The following ARHGAP26 variants were observed in gnomAD, a reference collection of about 807,000 sequenced individuals.
ARHGAP26 encodes rho GTPase-activating protein 26.
In ARHGAP26, 38 loss-of-function variants were observed where a neutral mutation model predicts 104.8. The observed-to-expected ratio is 0.36, with a 90% CI of 0.28 to 0.48. The LOEUF is 0.48. ARHGAP26 is among the 20% of genes least tolerant of loss of function. ARHGAP26 has a pLI of 0.99. For synonymous variants in ARHGAP26, 341 were observed against 340.0 expected (o/e 1.00, Z -0.03); for missense variants, 704 against 947.9 (o/e 0.74, Z 3.38).
intron 5 of ARHGAP26, among the ~76,000 whole-genome samples, chr5:142,887,014 A>G (rs1179166818): frequency 1.3e-5 from 2 of 152,236 alleles, no homozygotes; most frequent in East Asian, 1.9e-4. Flanking sequence ...ACTATGCATC[A>G]TTAGTACAGA....
chr5:143,192,285 G>A (rs1000703115), intron 20 of ARHGAP26, among the ~76,000 whole-genome samples: 4 of 152,196 alleles, frequency 2.6e-5, no homozygotes, highest in Non-Finnish European at 5.9e-5. Context: ...TTTGAGTGGC[G>A]GATGAGCAGT....
chr5:143,109,493 C>T (rs559727424), intron 17 of ARHGAP26, among the ~76,000 whole-genome samples: 3 of 151,994 alleles, frequency 2.0e-5, no homozygotes, highest in Non-Finnish European at 4.4e-5. Flanking sequence ...GTCTTGCTCT[C>T]ACCCAGGCTG....
intron 5 of ARHGAP26, among the ~76,000 whole-genome samples, chr5:142,892,815 G>C (rs1273322042): frequency 1.3e-5 from 2 of 151,920 alleles, no homozygotes; most frequent in Non-Finnish European, 2.9e-5. Flanking sequence ...TCATTTCTTT[G>C]TGTTGGGAAC....
intron 20 of ARHGAP26, among the ~76,000 whole-genome samples, chr5:143,154,159 T>TAAAAAA (rs1800182568): frequency 1.5e-4 from 8 of 54,752 alleles, no homozygotes; most frequent in African/African-American, 5.2e-4. Context: ...TTTAAAAATA[T>TAAAAAA]TAAAAAAAAA....
At chr5:142,994,927 A>G (rs535885408) in intron 11 of ARHGAP26, among the ~76,000 whole-genome samples, 1 of 152,342 alleles carries the variant, frequency 6.6e-6, no homozygotes, top group Non-Finnish European at 1.5e-5. Flanking sequence ...ACAATGGGGG[A>G]AGGATTCCCT....
chr5:143,111,694 C>A (rs971049286), intron 17 of ARHGAP26, among the ~76,000 whole-genome samples: 1 of 152,166 alleles, frequency 6.6e-6, no homozygotes, highest in Non-Finnish European at 1.5e-5. Flanking sequence ...CTGAAAGGAT[C>A]CTGGTATAGT....
At chr5:142,911,322 G>A (rs1761808437) in intron 9 of ARHGAP26, among the ~76,000 whole-genome samples, 1 of 151,898 alleles carries the variant, frequency 6.6e-6, no homozygotes, top group Admixed American at 6.6e-5. Flanking sequence ...CCTCACTCTG[G>A]GCTTCTAGCC....
chr5:142,935,603 C>CT (rs1165780024), intron 11 of ARHGAP26, among the ~76,000 whole-genome samples: 1 of 152,166 alleles, frequency 6.6e-6, no homozygotes, highest in East Asian at 1.9e-4. Context: ...CAAGAAAGTT[C>CT]TTTAATTGGA....
intron 20 of ARHGAP26, among the ~76,000 whole-genome samples, chr5:143,150,244 C>T (rs1010160851): frequency 6.6e-6 from 1 of 152,182 alleles, no homozygotes; most frequent in African/African-American, 2.4e-5. Context: ...TGTGGCTGAA[C>T]CTATTTTATG....
At chr5:143,164,533 A>G (rs553504605) in intron 20 of ARHGAP26, among the ~76,000 whole-genome samples, 2 of 152,032 alleles carry the variant, frequency 1.3e-5, no homozygotes, top group Non-Finnish European at 2.9e-5. Context: ...TTTTTGCTGT[A>G]TTTTTCTTTG....
At chr5:142,916,127 G>T (rs1252114188) in intron 10 of ARHGAP26, among the ~76,000 whole-genome samples, 3 of 152,176 alleles carry the variant, frequency 2.0e-5, no homozygotes, top group Non-Finnish European at 4.4e-5. Context: ...TACTCCTGGA[G>T]TATGTTAACT....
intron 11 of ARHGAP26, among the ~76,000 whole-genome samples, chr5:142,969,732 C>T (rs923807311): frequency 2.6e-5 from 4 of 152,140 alleles, no homozygotes; most frequent in African/African-American, 9.7e-5. Context: ...AGCTGTGGGT[C>T]CTCTGCTTAG....
intron 20 of ARHGAP26, chr5:143,170,015 T>C (rs1304447311): frequency 6.6e-6 from 1 of 152,232 alleles, no homozygotes; most frequent in African/African-American, 2.4e-5. Flanking sequence ...AAATGTTATC[T>C]TCCTACTTAG....
rs184865618 is a variant in ARHGAP26 at position 142,813,700 on chromosome 5, T to A, written c.154+42785T>A. ...CCTGTGTCCTAATCTTCTTTTCTTA[T>A]AAGGTCACCATATTGTATTAGGGCC... On this transcript the variant is annotated intron_variant, in intron 1 of 22. Transcript: ENST00000645722. Among the ~76,000 whole-genome samples the A allele has an allele frequency of 1.8e-3, 280 of 152,358 alleles. 1 individual carries two copies. Among genetic ancestry groups the A allele is most frequent in the Non-Finnish European group, 2.9e-3 (198 of 68,034 alleles).
chr5:142,930,201 G>C (rs1304245846), intron 10 of ARHGAP26, among the ~76,000 whole-genome samples: 2 of 152,182 alleles, frequency 1.3e-5, no homozygotes, highest in African/African-American at 4.8e-5. Flanking sequence ...GAGGCTTTTT[G>C]TTTCAAAGCT....
intron 10 of ARHGAP26, among the ~76,000 whole-genome samples, chr5:142,918,109 C>A (rs1762731967): frequency 2.0e-5 from 3 of 151,950 alleles, no homozygotes; most frequent in Non-Finnish European, 4.4e-5. Context: ...CTTTATGTTT[C>A]AAGGATCCAT....
chr5:142,869,149 A>G (rs143255783), intron 1 of ARHGAP26, among the ~76,000 whole-genome samples: 16 of 151,602 alleles, frequency 1.1e-4, no homozygotes, highest in South Asian at 2.1e-4. Context: ...TCTAACCTCA[A>G]TGATGGCCTT....
At chr5:142,826,121 A>T (rs1282597837) in intron 1 of ARHGAP26, among the ~76,000 whole-genome samples, 3 of 152,198 alleles carry the variant, frequency 2.0e-5, no homozygotes, top group Non-Finnish European at 4.4e-5. Flanking sequence ...ACAGTGTTGA[A>T]TCTGGGAATT....
At chr5:142,962,735 GT>G (rs142197039) in intron 11 of ARHGAP26, among the ~76,000 whole-genome samples, 5,844 of 152,220 alleles carry the variant, frequency 0.038, 121 homozygotes, top group Middle Eastern at 0.058. Context: ...CATGTGAACT[GT>G]GGGTAGAACA....
Sources: allele counts gnomAD v4.1 joint callset (sites outside exome capture counted in the v4.1 genomes callset), GRCh38; gene constraint gnomAD v4.1.1; transcripts MANE v1.5; gene names NCBI Gene and HGNC (gene_info 2026-07-23, HGNC 2026-07-21).